Variants in UST observed in about 807,000 individuals in gnomAD.
UST encodes the protein chondroitin sulfate 2-O-sulfotransferase.
UST carries 21 observed loss-of-function variants against 45.6 expected under a neutral mutation model. That is an observed-to-expected ratio of 0.46 (90% CI 0.33 to 0.66). The LOEUF (loss-of-function observed/expected upper bound fraction) is 0.66, where lower values mean the gene tolerates loss of function less well. Among genes scored for constraint, UST ranks in the 30% least tolerant of loss-of-function variants. The probability of loss-of-function intolerance (pLI) is 0.02; values close to 1 mark genes in which losing one functional copy is unlikely to be tolerated. For missense variants in UST, 463 were observed against 512.4 expected, an observed-to-expected ratio of 0.90 and a Z score of 0.93; for synonymous variants, 215 against 200.6, an observed-to-expected ratio of 1.07 and a Z score of -0.61.
At chr6:148,851,661 G>C (rs1389570108) in intron 1 of UST, among the ~76,000 whole-genome samples, 1 of 152,210 alleles carries the variant, frequency 6.6e-6, no homozygotes, top group Non-Finnish European at 1.5e-5. Context: ...CACCATTTTA[G>C]CCCATAGAAA....
intron 1 of UST, among the ~76,000 whole-genome samples, chr6:148,816,938 G>A (rs1777367074): frequency 6.6e-6 from 1 of 152,128 alleles, no homozygotes; most frequent in African/African-American, 2.4e-5. Flanking sequence ...TTCCCTTGAA[G>A]TCATGGCCCT....
intron 1 of UST, among the ~76,000 whole-genome samples, chr6:148,782,026 T>G (rs760292922): frequency 2.0e-5 from 3 of 152,256 alleles, no homozygotes; most frequent in Non-Finnish European, 4.4e-5. Context: ...ACAACATCCA[T>G]TCTGCAGCCC....
chr6:148,914,884 A>G (rs1245812683), intron 2 of UST, among the ~76,000 whole-genome samples: 1 of 152,238 alleles, frequency 6.6e-6, no homozygotes, highest in Non-Finnish European at 1.5e-5. Context: ...TCTATAACAA[A>G]ATACCATAGA....
intron 1 of UST, among the ~76,000 whole-genome samples, chr6:148,863,538 G>C (rs562431856): frequency 6.6e-6 from 1 of 152,088 alleles, no homozygotes; most frequent in Non-Finnish European, 1.5e-5. Flanking sequence ...GCTTTGTTCC[G>C]TTGCTACCAA....
At chr6:149,048,516 A>G (rs1235110304) in intron 7 of UST, among the ~76,000 whole-genome samples, 1 of 139,208 alleles carries the variant, frequency 7.2e-6, no homozygotes, top group African/African-American at 2.9e-5. Context: ...AGCCTGGGCA[A>G]TAGAGTGAGA....
intron 5 of UST, among the ~76,000 whole-genome samples, chr6:149,011,224 T>C (rs934795416): frequency 6.6e-6 from 1 of 152,148 alleles, no homozygotes; most frequent in African/African-American, 2.4e-5. Context: ...AAAGACAAAT[T>C]TTGCAAGTTC....
intron 1 of UST, among the ~76,000 whole-genome samples, chr6:148,864,400 G>C (rs750189547): frequency 6.6e-6 from 1 of 152,218 alleles, no homozygotes; most frequent in African/African-American, 2.4e-5. Flanking sequence ...GGTGCCATGC[G>C]TCACAGCTTC....
At chr6:149,037,073 A>T (rs1776248739) in intron 7 of UST, among the ~76,000 whole-genome samples, 1 of 152,050 alleles carries the variant, frequency 6.6e-6, no homozygotes, top group Non-Finnish European at 1.5e-5. Context: ...GGTTATGCAC[A>T]GATGGCGGCA....
intron 2 of UST, among the ~76,000 whole-genome samples, chr6:148,925,301 C>T (rs1308514402): frequency 6.6e-6 from 1 of 152,170 alleles, no homozygotes; most frequent in Non-Finnish European, 1.5e-5. Context: ...GTGCTTCCAG[C>T]AATCTGAGTT....
intron 1 of UST, among the ~76,000 whole-genome samples, chr6:148,755,340 A>C (rs1371121708): frequency 6.6e-6 from 1 of 152,224 alleles, no homozygotes; most frequent in African/African-American, 2.4e-5. Context: ...AGTTTTAAGA[A>C]GAAATATTGT....
At chr6:148,820,335 T>C (rs1313680392) in intron 1 of UST, among the ~76,000 whole-genome samples, 1 of 152,156 alleles carries the variant, frequency 6.6e-6, no homozygotes, top group Non-Finnish European at 1.5e-5. Flanking sequence ...CATATACACA[T>C]TCTCTTTCTG....
intron 7 of UST, among the ~76,000 whole-genome samples, chr6:149,051,869 T>TA (rs1225393838): frequency 6.6e-6 from 1 of 152,144 alleles, no homozygotes; most frequent in African/African-American, 2.4e-5. Context: ...TAGTAGAAGA[T>TA]AAAAAATGAA....
intron 1 of UST, among the ~76,000 whole-genome samples, chr6:148,788,224 C>T (rs1362390232): frequency 2.6e-5 from 4 of 152,082 alleles, no homozygotes; most frequent in Non-Finnish European, 5.9e-5. Flanking sequence ...AAACTGCCCC[C>T]CAAGATTCAA....
At chr6:148,811,488 T>C (rs1440120423) in intron 1 of UST, among the ~76,000 whole-genome samples, 2 of 152,180 alleles carry the variant, frequency 1.3e-5, no homozygotes, top group Admixed American at 1.3e-4. Flanking sequence ...TTGGCGCCAT[T>C]TTAAAAATTG....
chr6:148,860,113 C>A (rs142813607), intron 1 of UST, among the ~76,000 whole-genome samples: 2,173 of 152,308 alleles, frequency 0.014, 63 homozygotes, highest in African/African-American at 0.05. Flanking sequence ...GATATTGATT[C>A]TTCCTATCCA....
intron 1 of UST, among the ~76,000 whole-genome samples, chr6:148,767,125 G>C (rs979004268): frequency 6.6e-6 from 1 of 152,210 alleles, no homozygotes; most frequent in African/African-American, 2.4e-5. Flanking sequence ...ATTTTGAGTA[G>C]CAAGGGTCTA....
In UST at chr6:148,832,754, T is replaced by C. The variant is rs537035963; in HGVS notation, c.248-54232T>C. 7.9e-5 allele frequency among the ~76,000 whole-genome samples: 12 copies of C among 152,332 alleles called. No homozygotes were observed. In the South Asian group the frequency reaches 1.9e-3, roughly 24 times the overall value. On this transcript the variant is annotated intron_variant, in intron 1 of 7. Coordinates refer to ENST00000367463, the MANE Select transcript of UST (RefSeq NM_005715.3). ...TTATTAGAGTTGGGATACCCAGTGG[T>C]GCAGTGTAGTCAGTTTCTATTTGGA... is the stretch of plus-strand genomic sequence containing the variant.
intron 1 of UST, among the ~76,000 whole-genome samples, chr6:148,874,597 A>T (rs1778614766): frequency 6.6e-6 from 1 of 152,214 alleles, no homozygotes; most frequent in South Asian, 2.1e-4. Context: ...GATTTTTTTA[A>T]GCAGATATTT....
intron 1 of UST, among the ~76,000 whole-genome samples, chr6:148,822,546 G>A (rs1015712789): frequency 6.6e-6 from 1 of 152,146 alleles, no homozygotes; most frequent in South Asian, 2.1e-4. Context: ...GAGAGAGAGA[G>A]AATATAGTAT....
Sources: allele counts gnomAD v4.1 joint callset (sites outside exome capture counted in the v4.1 genomes callset), GRCh38; gene constraint gnomAD v4.1.1; transcripts MANE v1.5; gene names NCBI Gene and HGNC (gene_info 2026-07-23, HGNC 2026-07-21).